The following TLCD4 variants were observed in gnomAD, a reference collection of about 807,000 sequenced individuals.
The protein encoded by TLCD4 is TLC domain containing 4, also known as TLC domain-containing protein 4.
A neutral mutation model predicts 24.2 loss-of-function variants in TLCD4; 7 were observed. The ratio of observed to expected loss-of-function variants is 0.29; its 90% CI spans 0.16 to 0.54. The LOEUF is 0.54. Ranked by LOEUF, TLCD4 falls within the 20% of genes least tolerant of loss-of-function variation. TLCD4 has a pLI of 0.95. For missense variants in TLCD4, 259 were observed against 313.9 expected, an observed-to-expected ratio of 0.82 and a Z score of 1.32; for synonymous variants, 103 against 106.4, an observed-to-expected ratio of 0.97 and a Z score of 0.20.
At chr1:95,097,742 T>G in the TLCD4 span, among the ~76,000 whole-genome samples, 5 of 145,594 alleles carry the variant, frequency 3.4e-5, no homozygotes, top group African/African-American at 1.3e-4. Flanking sequence ...AACTTTTATA[T>G]ATGTTCCACT....
intron 6 of TLCD4, chr1:95,174,113 C>T (rs993744082): frequency 1.0e-5 from 6 of 599,404 alleles, no homozygotes; most frequent in Non-Finnish European, 1.7e-5. Flanking sequence ...TTAAATCCTG[C>T]TCTTTGCAGT....
chr1:95,126,908 T>C (rs999561091), intron 1 of TLCD4, among the ~76,000 whole-genome samples: 4 of 152,232 alleles, frequency 2.6e-5, no homozygotes, highest in Non-Finnish European at 5.9e-5. Context: ...GGCAGAGACA[T>C]AGACTCCACC....
chr1:95,179,649 A>G (rs1480461562), intron 6 of TLCD4, among the ~76,000 whole-genome samples: 1 of 152,250 alleles, frequency 6.6e-6, no homozygotes, highest in East Asian at 1.9e-4. Flanking sequence ...GGAGCCTACA[A>G]CATAGCTTAA....
chr1:95,132,972 C>T (rs1477004030), intron 1 of TLCD4, among the ~76,000 whole-genome samples: 2 of 151,862 alleles, frequency 1.3e-5, no homozygotes, highest in Non-Finnish European at 2.9e-5. Flanking sequence ...TGGATGGGGA[C>T]AACAGTGGAG....
At chr1:95,095,799 T>C in the TLCD4 span, among the ~76,000 whole-genome samples, 2 of 152,244 alleles carry the variant, frequency 1.3e-5, no homozygotes, top group Non-Finnish European at 2.9e-5. Context: ...GATTAAGTCA[T>C]GTAGGCTTGC....
chr1:95,106,615 C>T, the TLCD4 span, among the ~76,000 whole-genome samples: 1 of 152,116 alleles, frequency 6.6e-6, no homozygotes, highest in Non-Finnish European at 1.5e-5. Context: ...ATTGCTTGAA[C>T]GTGGGATGTG....
At chr1:95,115,030 A>C (rs901379029), upstream of TLCD4, among the ~76,000 whole-genome samples, 11 of 150,316 alleles carry the variant, frequency 7.3e-5, no homozygotes, top group Non-Finnish European at 7.4e-5. Flanking sequence ...TGGAAAGGGA[A>C]TATTGGTGAA....
chr1:95,178,939 G>A (rs1678543619), intron 6 of TLCD4, among the ~76,000 whole-genome samples: 1 of 152,114 alleles, frequency 6.6e-6, no homozygotes, highest in Non-Finnish European at 1.5e-5. Flanking sequence ...CTCAACATGG[G>A]TGAAGTGTTT....
chr1:95,124,232 G>A (rs1676650266), intron 1 of TLCD4, among the ~76,000 whole-genome samples: 1 of 152,226 alleles, frequency 6.6e-6, no homozygotes, highest in African/African-American at 2.4e-5. Flanking sequence ...GGAAGTATAA[G>A]TGAGGCTGGT....
chr1:95,185,417 A>T (rs1351846303), intron 6 of TLCD4, among the ~76,000 whole-genome samples: 1 of 152,002 alleles, frequency 6.6e-6, no homozygotes, highest in East Asian at 1.9e-4. Flanking sequence ...TGGTTGATGG[A>T]CTCTAATGCA....
intron 5 of TLCD4, among the ~76,000 whole-genome samples, chr1:95,156,059 T>A (rs560268646): frequency 3.3e-4 from 50 of 152,148 alleles, no homozygotes; most frequent in Non-Finnish European, 8.8e-5. Context: ...GTAGAAATAC[T>A]GGGCTTAGTA....
Position 95,195,039 on chromosome 1 carries a change from T to C in TLCD4, c.*3171T>C, listed in dbSNP as rs1047529900. On this transcript the variant is annotated 3_prime_UTR_variant, in exon 7 of 7. Transcript: ENST00000370203. ...CACCCCTAAGAGTGACTCTGATATATTATGGATGACCCAGGACGGTCTTAA... is the reference window on the plus strand; with the variant it reads ...CACCCCTAAGAGTGACTCTGATATACTATGGATGACCCAGGACGGTCTTAA... 5.9e-5 allele frequency: 9 copies of C among 152,216 alleles called. No homozygotes were observed. Among genetic ancestry groups the C allele is most frequent in the East Asian group, 1.9e-4 (1 of 5,198 alleles). 9.4% of individuals were successfully genotyped at this position (152,216 alleles called of 1,614,324 possible).
chr1:95,186,026 G>A (rs150512149), intron 6 of TLCD4, among the ~76,000 whole-genome samples: 41 of 152,308 alleles, frequency 2.7e-4, no homozygotes, highest in Non-Finnish European at 4.7e-4. Context: ...AAGGACTGTC[G>A]AGCCAGTTTG....
intron 1 of TLCD4, among the ~76,000 whole-genome samples, chr1:95,142,903 T>C (rs1452362647): frequency 6.8e-6 from 1 of 147,646 alleles, no homozygotes; most frequent in Non-Finnish European, 1.5e-5. Context: ...TGAGCTGAGA[T>C]CTATCGCACC....
At chr1:95,094,601 C>A in the TLCD4 span, among the ~76,000 whole-genome samples, 2 of 152,184 alleles carry the variant, frequency 1.3e-5, no homozygotes, top group Non-Finnish European at 2.9e-5. Flanking sequence ...ACAGGTTAAA[C>A]ATCTGTGAAC....
At chr1:95,105,893 T>TC in the TLCD4 span, among the ~76,000 whole-genome samples, 480 of 102,884 alleles carry the variant, frequency 4.7e-3, 31 homozygotes, top group Middle Eastern at 0.019. Context: ...AGACTCCGTC[T>TC]TAAAAAAAAA....
intron 6 of TLCD4, among the ~76,000 whole-genome samples, chr1:95,187,551 G>A (rs936163412): frequency 2.0e-5 from 3 of 152,082 alleles, no homozygotes; most frequent in Admixed American, 1.3e-4. Flanking sequence ...GAAGACCACC[G>A]AGGGACAGTA....
chr1:95,174,837 G>A (rs559683586), intron 6 of TLCD4, among the ~76,000 whole-genome samples: 4 of 152,140 alleles, frequency 2.6e-5, no homozygotes, highest in Admixed American at 6.5e-5. Context: ...GTGCAATGGC[G>A]CCATCTCTGC....
chr1:95,167,847 CTTTG>C (rs1452661918), intron 5 of TLCD4, among the ~76,000 whole-genome samples: 1 of 152,192 alleles, frequency 6.6e-6, no homozygotes, highest in African/African-American at 2.4e-5. Flanking sequence ...CCACCTGTTT[CTTTG>C]TTTGATCACC....
Sources: gnomAD v4.1 joint callset for allele counts (sites outside exome capture counted in the v4.1 genomes callset) on GRCh38, gnomAD v4.1.1 for gene constraint, MANE v1.5 for transcripts, NCBI Gene and HGNC (gene_info 2026-07-23, HGNC 2026-07-21) for gene names.